The following KCNH5 variants were observed in gnomAD, a reference collection of about 807,000 sequenced individuals.
KCNH5 encodes potassium voltage-gated channel subfamily H member 5, also known as voltage-gated delayed rectifier potassium channel KCNH5.
In KCNH5, 46 loss-of-function variants were observed where a neutral mutation model predicts 96.1. That is an observed-to-expected ratio of 0.48 (90% CI 0.38 to 0.61). KCNH5 has a LOEUF of 0.61. Ranked by LOEUF, KCNH5 falls within the 20% of genes least tolerant of loss-of-function variation. The probability of loss-of-function intolerance (pLI) is 0.00; values close to 1 mark genes in which losing one functional copy is unlikely to be tolerated. For missense variants in KCNH5, 907 were observed against 1,225.8 expected (o/e 0.74, Z 3.88); for synonymous variants, 439 against 449.8 (o/e 0.98, Z 0.30).
chr14:62,858,794 G>A (rs1481940890), intron 7 of KCNH5, among the ~76,000 whole-genome samples: 2 of 152,158 alleles, frequency 1.3e-5, no homozygotes, highest in African/African-American at 4.8e-5. Context: ...ATCGGATGCT[G>A]ATTCAGAGCA....
At chr14:62,910,133 A>C (rs1221901466) in intron 7 of KCNH5, among the ~76,000 whole-genome samples, 1 of 146,902 alleles carries the variant, frequency 6.8e-6, no homozygotes, top group Non-Finnish European at 1.5e-5. Flanking sequence ...GCAATTCACT[A>C]CACTAACATG....
chr14:62,914,650 C>G (rs544842560), intron 7 of KCNH5, among the ~76,000 whole-genome samples: 7 of 152,248 alleles, frequency 4.6e-5, no homozygotes, highest in Non-Finnish European at 8.8e-5. Flanking sequence ...GGTCCTTTGC[C>G]CCTTCCACCA....
chr14:62,753,597 G>GA (rs1885551753), intron 10 of KCNH5, among the ~76,000 whole-genome samples: 1 of 152,166 alleles, frequency 6.6e-6, no homozygotes, highest in South Asian at 2.1e-4. Context: ...AGCAGGAGGA[G>GA]AAAAGAAACA....
intron 3 of KCNH5, among the ~76,000 whole-genome samples, chr14:63,004,876 A>C (rs1271720016): frequency 6.6e-6 from 1 of 152,204 alleles, no homozygotes; most frequent in African/African-American, 2.4e-5. Flanking sequence ...CTTTAAAGTC[A>C]GGCAAATGTT....
chr14:62,923,986 A>C (rs773756989), intron 7 of KCNH5, among the ~76,000 whole-genome samples: 14 of 152,014 alleles, frequency 9.2e-5, no homozygotes, highest in Non-Finnish European at 1.8e-4. Context: ...CATCAAACAA[A>C]ATAGTTTCTG....
At position 62,903,261 on chromosome 14, in the gene KCNH5, T is replaced by C. The variant is rs147558102; in HGVS notation, c.1369+46872A>G. On this transcript the variant is annotated intron_variant, in intron 7 of 10. Transcript: ENST00000322893. ...CTTCTCAAACCACAACCTTCACCAC[T>C]ACCCACACACACACCCTTGTACTAC... Among the ~76,000 whole-genome samples the C allele has an allele frequency of 1.1e-4, 17 of 152,220 alleles. No individual in the cohort carries two copies. The East Asian group carries it at 3.3e-3, about 29-fold the overall frequency.
rs150637065 is a variant in KCNH5 at position 62,721,619 on chromosome 14, C to G, written c.2020-13164G>C. On this transcript the variant is annotated intron_variant, in intron 10 of 10. Transcript: ENST00000322893. ...TCTTTGCCCCCAAACTGATTCTTAA[C>G]ATATTTTTTTTAATACAATGGATTT... Among the ~76,000 whole-genome samples the G allele has an allele frequency of 3.5e-3, 539 of 152,078 alleles. 5 individuals carry two copies. Among genetic ancestry groups the G allele is most frequent in the Non-Finnish European group, 5.1e-3 (346 of 67,984 alleles).
intron 10 of KCNH5, among the ~76,000 whole-genome samples, chr14:62,777,169 G>T (rs1886114651): frequency 6.6e-6 from 1 of 152,208 alleles, no homozygotes. Flanking sequence ...AAGTGAATGA[G>T]AAACTATAAA....
At chr14:62,945,602 C>T (rs565440910) in intron 7 of KCNH5, among the ~76,000 whole-genome samples, 6 of 152,152 alleles carry the variant, frequency 3.9e-5, no homozygotes, top group Non-Finnish European at 5.9e-5. Flanking sequence ...ACCAAGTACA[C>T]GTGGGTTCGG....
chr14:62,889,087 A>G (rs1011863585), intron 7 of KCNH5, among the ~76,000 whole-genome samples: 1 of 152,222 alleles, frequency 6.6e-6, no homozygotes, highest in Non-Finnish European at 1.5e-5. Context: ...CTGGATGTGC[A>G]TGAGCTCTGA....
At chr14:62,719,432 C>T (rs973443735) in intron 10 of KCNH5, among the ~76,000 whole-genome samples, 1 of 152,154 alleles carries the variant, frequency 6.6e-6, no homozygotes, top group Non-Finnish European at 1.5e-5. Flanking sequence ...TACTTTATGC[C>T]TGATAAAAGA....
chr14:62,917,182 A>T (rs1286701024), intron 7 of KCNH5, among the ~76,000 whole-genome samples: 2 of 152,216 alleles, frequency 1.3e-5, no homozygotes, highest in Non-Finnish European at 2.9e-5. Context: ...TGTACCTAAT[A>T]CATAGCTTTA....
At chr14:62,994,770 A>G (rs1459334517) in intron 4 of KCNH5, among the ~76,000 whole-genome samples, 2 of 152,088 alleles carry the variant, frequency 1.3e-5, no homozygotes, top group Non-Finnish European at 2.9e-5. Context: ...ATTTGAAATC[A>G]GTCAGACGTT....
chr14:62,981,028 G>T lies in KCNH5; in HGVS notation c.786C>A (p.Ile262=). 6.2e-7 allele frequency: 1 copy of T among 1,614,100 alleles called. No individual in the cohort carries two copies. The highest frequency in any genetic ancestry group is 8.5e-7 in the Non-Finnish European group (1 of 1,180,018). ...CGAAAGTCGTGTGAAAATTTAAAAC[G>T]ATGTCAACCAGAAAAATAACGTCCA... is the stretch of plus-strand genomic sequence containing the variant. ...SVVDVIFLVD[I]VLNFHTTFVG... The change falls in exon 6 of 11, where the codon ATC becomes ATA. Residue 262 remains isoleucine (I), a synonymous_variant. Transcript: ENST00000322893.
intron 8 of KCNH5, among the ~76,000 whole-genome samples, chr14:62,831,855 T>C (rs1296445110): frequency 1.3e-5 from 2 of 152,090 alleles, no homozygotes; most frequent in Non-Finnish European, 2.9e-5. Context: ...GCTACAGGCA[T>C]GTGCCACCAT....
intron 10 of KCNH5, among the ~76,000 whole-genome samples, chr14:62,751,995 C>T (rs1461558162): frequency 1.3e-5 from 2 of 152,276 alleles, no homozygotes; most frequent in South Asian, 4.1e-4. Flanking sequence ...GGATTCACAT[C>T]TTTGCCCTGA....
chr14:62,886,737 T>C (rs1888605628), intron 7 of KCNH5, among the ~76,000 whole-genome samples: 1 of 152,200 alleles, frequency 6.6e-6, no homozygotes, highest in Non-Finnish European at 1.5e-5. Context: ...TGGATGTGCC[T>C]TTCCTTTCAA....
At chr14:62,866,502 A>C (rs1888137239) in intron 7 of KCNH5, among the ~76,000 whole-genome samples, 1 of 152,170 alleles carries the variant, frequency 6.6e-6, no homozygotes, top group African/African-American at 2.4e-5. Context: ...AAGCCATATC[A>C]AGTTCATTCT....
At position 62,934,805 on chromosome 14, in the gene KCNH5, C is replaced by T. The variant is rs1464620629; in HGVS notation, c.1369+15328G>A. ...TCGAGATAGCAAATGGTTTTTTTGT[C>T]GTCTTTCTTGTTGTGTTTTGTTTTC... On this transcript the variant is annotated intron_variant, in intron 7 of 10. Transcript: ENST00000322893. Among the ~76,000 whole-genome samples, 6 of 152,004 alleles carry T rather than the reference C, an allele frequency of 3.9e-5. No individual in the cohort carries two copies. In the East Asian group the frequency reaches 7.7e-4, roughly 20 times the overall value.
Sources: allele counts gnomAD v4.1 joint callset (sites outside exome capture counted in the v4.1 genomes callset), GRCh38; gene constraint gnomAD v4.1.1; transcripts MANE v1.5; gene names NCBI Gene and HGNC (gene_info 2026-07-23, HGNC 2026-07-21).